Variants in LRTM3 observed in about 807,000 individuals in gnomAD.
LRTM3 encodes leucine-rich repeat transmembrane protein 3.
the LRTM3 span, chr13:102,746,732 G>A: frequency 2.2e-5 from 34 of 1,550,830 alleles, no homozygotes; most frequent in Non-Finnish European, 2.6e-5. Flanking sequence ...TGGTATTTCT[G>A]TCTTTTCTTC....
the LRTM3 span, among the ~76,000 whole-genome samples, chr13:102,750,791 C>T: frequency 6.6e-6 from 1 of 152,252 alleles, no homozygotes; most frequent in South Asian, 2.1e-4. Context: ...ATAGTATAAA[C>T]TAGCTGTCTA....
the LRTM3 span, chr13:102,748,605 T>G: frequency 1.3e-6 from 2 of 1,550,852 alleles, no homozygotes; most frequent in African/African-American, 2.7e-5. Context: ...AGTTTCTGCA[T>G]AGGTTTTGAT....
At chr13:102,744,419 C>A in the LRTM3 span, 2 of 1,549,652 alleles carry the variant, frequency 1.3e-6, no homozygotes, top group Admixed American at 2.0e-5. Flanking sequence ...AGGGGTATCA[C>A]GTGGTATTGA....
At chr13:102,744,657 C>G in the LRTM3 span, 1 of 1,550,846 alleles carries the variant, frequency 6.4e-7, no homozygotes, top group Non-Finnish European at 8.7e-7. Flanking sequence ...GGGTCAGGAT[C>G]TTTCATTTGA....
the LRTM3 span, chr13:102,746,600 C>T: frequency 6.4e-7 from 1 of 1,551,126 alleles, no homozygotes; most frequent in Non-Finnish European, 8.7e-7. Flanking sequence ...TGTATTTACA[C>T]ATTTGGGCTT....
the LRTM3 span, chr13:102,739,149 C>A: frequency 6.5e-7 from 1 of 1,550,104 alleles, no homozygotes; most frequent in Non-Finnish European, 8.7e-7. Context: ...TTATTCTGAA[C>A]TACATTTAGA....
chr13:102,736,333 G>T, the LRTM3 span: 1 of 1,550,986 alleles, frequency 6.4e-7, no homozygotes, highest in Non-Finnish European at 8.7e-7. Flanking sequence ...CAGTGATGCT[G>T]AACACTTGTG....
At chr13:102,736,167 G>A in the LRTM3 span, 1 of 1,546,418 alleles carries the variant, frequency 6.5e-7, no homozygotes, top group Non-Finnish European at 8.7e-7. Context: ...GGAAGCTTTG[G>A]TTGTGAAGGA....
At chr13:102,733,881 C>G in the LRTM3 span, 11 of 1,551,320 alleles carry the variant, frequency 7.1e-6, no homozygotes, top group Middle Eastern at 1.7e-4. Flanking sequence ...ACGTTTTTAT[C>G]AACGCCTTCA....
chr13:102,731,964 G>A, the LRTM3 span: 24 of 1,551,204 alleles, frequency 1.5e-5, no homozygotes, highest in East Asian at 2.4e-4. Flanking sequence ...GGAACAATCC[G>A]TTCTTTTGTT....
chr13:102,743,272 T>C, the LRTM3 span: 1 of 1,550,650 alleles, frequency 6.4e-7, no homozygotes, highest in South Asian at 1.2e-5. Flanking sequence ...TTTGTGTTGG[T>C]TGTGTATGAC....
the LRTM3 span, chr13:102,746,730 C>T: frequency 1.4e-5 from 21 of 1,550,900 alleles, no homozygotes; most frequent in African/African-American, 2.7e-5. Flanking sequence ...TTTGGTATTT[C>T]TGTCTTTTCT....
At chr13:102,751,620 A>G in the LRTM3 span, among the ~76,000 whole-genome samples, 3 of 152,210 alleles carry the variant, frequency 2.0e-5, no homozygotes, top group Non-Finnish European at 4.4e-5. Context: ...AATGCATATA[A>G]AATAGGTCAG....
At chr13:102,739,922 C>T in the LRTM3 span, 1 of 1,550,424 alleles carries the variant, frequency 6.4e-7, no homozygotes, top group South Asian at 1.2e-5. Context: ...TGAGGCACCA[C>T]AGTCACTGGT....
At chr13:102,732,919 A>G in the LRTM3 span, 1 of 1,551,312 alleles carries the variant, frequency 6.4e-7, no homozygotes, top group Non-Finnish European at 8.7e-7. Flanking sequence ...GAAATTGAAA[A>G]GTCCAGGGAG....
chr13:102,734,702 G>A, the LRTM3 span: 34 of 1,551,082 alleles, frequency 2.2e-5, no homozygotes, highest in Admixed American at 1.2e-4. Flanking sequence ...CCGCAAAATA[G>A]GTCTTTTAAG....
the LRTM3 span, chr13:102,759,065 T>C: frequency 1.6e-6 from 1 of 606,222 alleles, no homozygotes. Flanking sequence ...TGGTATCTTA[T>C]CAAGTGCAGC....
At chr13:102,734,824 C>A in the LRTM3 span, 6 of 1,550,978 alleles carry the variant, frequency 3.9e-6, no homozygotes, top group Admixed American at 5.9e-5. Context: ...CACATTCCTG[C>A]ACCTTCTCTT....
At chr13:102,736,453 C>T in the LRTM3 span, 1 of 1,550,980 alleles carries the variant, frequency 6.4e-7, no homozygotes, top group Non-Finnish European at 8.7e-7. Context: ...GTTTCTCTTT[C>T]TTTACAAGGC....
Sources: allele counts gnomAD v4.1 joint callset (sites outside exome capture counted in the v4.1 genomes callset), GRCh38; gene constraint gnomAD v4.1.1; transcripts MANE v1.5; gene names NCBI Gene and HGNC (gene_info 2026-07-23, HGNC 2026-07-21).